The following SLC24A3 variants were observed in gnomAD, a reference collection of about 807,000 sequenced individuals.
SLC24A3 encodes sodium/potassium/calcium exchanger 3.
Under a neutral mutation model 75.8 loss-of-function variants are expected in SLC24A3, and 28 were observed. That is an observed-to-expected ratio of 0.37 (90% confidence interval 0.27 to 0.51). The LOEUF is 0.51. Ranked by LOEUF, SLC24A3 falls within the 20% of genes least tolerant of loss-of-function variation. The pLI is 0.94. For missense variants in SLC24A3, 663 were observed against 847.8 expected, an observed-to-expected ratio of 0.78 and a Z score of 2.71; for synonymous variants, 372 against 334.1, an observed-to-expected ratio of 1.11 and a Z score of -1.24.
chr20:19,512,330 C>A (rs1033027159), intron 2 of SLC24A3, among the ~76,000 whole-genome samples: 1 of 152,168 alleles, frequency 6.6e-6, no homozygotes, highest in Non-Finnish European at 1.5e-5. Context: ...CACCCCTGCC[C>A]GGCCAGGACT....
chr20:19,227,547 C>G (rs971336396), intron 1 of SLC24A3, among the ~76,000 whole-genome samples: 4 of 152,028 alleles, frequency 2.6e-5, no homozygotes, highest in Admixed American at 2.6e-4. Flanking sequence ...AAATTTAACT[C>G]TTTACTTCAT....
intron 2 of SLC24A3, among the ~76,000 whole-genome samples, chr20:19,480,283 G>T (rs1158624731): frequency 1.3e-5 from 2 of 152,104 alleles, no homozygotes; most frequent in Non-Finnish European, 2.9e-5. Flanking sequence ...TCACCTCTCT[G>T]GGGCTGTTTT....
intron 2 of SLC24A3, among the ~76,000 whole-genome samples, chr20:19,395,510 T>C (rs1447545849): frequency 5.3e-5 from 8 of 152,252 alleles, no homozygotes; most frequent in Admixed American, 5.2e-4. Context: ...ACACAAAATT[T>C]GCTCTGTTCG....
At chr20:19,555,036 A>G (rs541165634) in intron 3 of SLC24A3, among the ~76,000 whole-genome samples, 1 of 152,358 alleles carries the variant, frequency 6.6e-6, no homozygotes, top group Admixed American at 6.5e-5. Flanking sequence ...CTATTAGGTA[A>G]AGAAGTATTA....
chr20:19,481,106 GA>G (rs1466770622), intron 2 of SLC24A3, among the ~76,000 whole-genome samples: 1 of 152,144 alleles, frequency 6.6e-6, no homozygotes, highest in African/African-American at 2.4e-5. Context: ...AGGAACTTGG[GA>G]ACCAAATAGT....
At chr20:19,240,193 A>G (rs3790166) in intron 1 of SLC24A3, among the ~76,000 whole-genome samples, 99,156 of 151,996 alleles carry the variant, frequency 0.65, 33,867 homozygotes, top group East Asian at 0.96. Context: ...GTGGGGCTTC[A>G]GGTCACACTG....
At chr20:19,432,962 G>T (rs1230821061) in intron 2 of SLC24A3, among the ~76,000 whole-genome samples, 1 of 152,140 alleles carries the variant, frequency 6.6e-6, no homozygotes, top group Non-Finnish European at 1.5e-5. Flanking sequence ...CATCGCCAAG[G>T]TCTGATTGCA....
At chr20:19,517,820 C>A (rs1431249320) in intron 3 of SLC24A3, among the ~76,000 whole-genome samples, 1 of 152,188 alleles carries the variant, frequency 6.6e-6, no homozygotes, top group Non-Finnish European at 1.5e-5. Context: ...CAAGCTTCAA[C>A]ACACAACATA....
intron 2 of SLC24A3, among the ~76,000 whole-genome samples, chr20:19,497,535 A>C (rs1988311121): frequency 6.8e-6 from 1 of 148,124 alleles, no homozygotes; most frequent in Non-Finnish European, 1.5e-5. Flanking sequence ...TGCTTGGTGC[A>C]GTCATTTCTT....
Position 19,414,052 on chromosome 20 carries a change from C to T in SLC24A3, c.272-101436C>T, listed in dbSNP as rs143566442. On this transcript the variant is annotated intron_variant, in intron 2 of 16. Coordinates refer to ENST00000328041, the MANE Select transcript of SLC24A3 (RefSeq NM_020689.4). The stretch of plus-strand genomic sequence containing the variant: ...AGAGGGAATGCAAATGGCAAATCAG[C>T]ATATGATACAATGTCCAGCCCTCCT... Among the ~76,000 whole-genome samples, 7 of 152,274 alleles carry T rather than the reference C, an allele frequency of 4.6e-5. No homozygotes were observed. In the East Asian group the frequency reaches 1.4e-3, roughly 29 times the overall value.
chr20:19,647,009 C>A (rs1295841524), intron 6 of SLC24A3, among the ~76,000 whole-genome samples: 2 of 152,150 alleles, frequency 1.3e-5, no homozygotes, highest in African/African-American at 4.8e-5. Flanking sequence ...ACCTGCATTT[C>A]TTTGTCTGGG....
At chr20:19,444,013 TA>T (rs1987338781) in intron 2 of SLC24A3, among the ~76,000 whole-genome samples, 1 of 152,208 alleles carries the variant, frequency 6.6e-6, no homozygotes, top group African/African-American at 2.4e-5. Flanking sequence ...CCTCTATCCT[TA>T]GTTTCCTGAG....
At chr20:19,683,000 A>AT (rs2032632549) in intron 10 of SLC24A3, among the ~76,000 whole-genome samples, 1 of 151,980 alleles carries the variant, frequency 6.6e-6, no homozygotes, top group African/African-American at 2.4e-5. Context: ...ATGGGAGTTT[A>AT]TTTTTTCTTG....
At chr20:19,654,438 T>C (rs1477059716) in intron 7 of SLC24A3, among the ~76,000 whole-genome samples, 1 of 151,844 alleles carries the variant, frequency 6.6e-6, no homozygotes, top group African/African-American at 2.4e-5. Flanking sequence ...TCCCTAGCTT[T>C]GGACATCACT....
intron 2 of SLC24A3, among the ~76,000 whole-genome samples, chr20:19,288,936 C>T (rs1176863761): frequency 6.6e-6 from 1 of 152,198 alleles, no homozygotes; most frequent in Admixed American, 6.5e-5. Context: ...GCAACACAGA[C>T]CACAGGGCTT....
chr20:19,400,621 C>T (rs2122403559), intron 2 of SLC24A3, among the ~76,000 whole-genome samples: 1 of 152,306 alleles, frequency 6.6e-6, no homozygotes, highest in African/African-American at 2.4e-5. Flanking sequence ...TGTGTCTGAT[C>T]AGCTGTCTTC....
Position 19,721,192 on chromosome 20 carries a change from AC to A in SLC24A3, c.*55del. On this transcript the variant is annotated 3_prime_UTR_variant, in exon 17 of 17. Transcript: ENST00000328041. Reference sequence around the variant, plus strand: ...CTCCTTCTTTTCTGTGCAATACGAGACCCGGCCGCACCCCGAGTCACACAGG... The same window carrying A: ...CTCCTTCTTTTCTGTGCAATACGAGACCGGCCGCACCCCGAGTCACACAGG... 1.9e-6 allele frequency: 3 copies of A among 1,599,614 alleles called. No individual in the cohort carries two copies. Among genetic ancestry groups the A allele is most frequent in the Non-Finnish European group, 2.6e-6 (3 of 1,174,406 alleles).
At chr20:19,257,605 A>T (rs1600396535) in intron 1 of SLC24A3, 1 of 152,350 alleles carries the variant, frequency 6.6e-6, no homozygotes, top group East Asian at 1.9e-4. Flanking sequence ...GGAATTAATT[A>T]AGAATGCCTG....
At chr20:19,664,046 T>C (rs1027998605) in intron 7 of SLC24A3, among the ~76,000 whole-genome samples, 10 of 152,218 alleles carry the variant, frequency 6.6e-5, no homozygotes, top group African/African-American at 2.4e-4. Context: ...CCTTCCCTGA[T>C]AGAAGAAAAT....
Sources: allele counts gnomAD v4.1 joint callset (sites outside exome capture counted in the v4.1 genomes callset), GRCh38; gene constraint gnomAD v4.1.1; transcripts MANE v1.5; gene names NCBI Gene and HGNC (gene_info 2026-07-23, HGNC 2026-07-21).